CPNE4: variants seen among roughly 807,000 people sequenced by gnomAD.
The protein encoded by CPNE4 is copine 4.
Under a neutral mutation model 67.9 loss-of-function variants are expected in CPNE4, and 25 were observed. That is an observed-to-expected ratio of 0.37 (90% CI 0.27 to 0.51). CPNE4 has a LOEUF of 0.51. CPNE4 is among the 20% of genes least tolerant of loss of function. The pLI is 0.93. For missense variants in CPNE4, 464 were observed against 690.8 expected, an observed-to-expected ratio of 0.67 and a Z score of 3.68; for synonymous variants, 242 against 244.9, an observed-to-expected ratio of 0.99 and a Z score of 0.11.
At chr3:131,809,868 G>C (rs190463483) in intron 2 of CPNE4, among the ~76,000 whole-genome samples, 2 of 152,148 alleles carry the variant, frequency 1.3e-5, no homozygotes, top group Non-Finnish European at 2.9e-5. Context: ...AAGTAATCAG[G>C]ATATTAGACT....
intron 7 of CPNE4, among the ~76,000 whole-genome samples, chr3:131,601,290 CG>C (rs1460105597): frequency 1.3e-5 from 2 of 152,074 alleles, no homozygotes; most frequent in East Asian, 1.9e-4. Context: ...TACACACACA[CG>C]TTTTTTTATC....
chr3:131,840,201 A>C (rs545708987), intron 2 of CPNE4, among the ~76,000 whole-genome samples: 1 of 152,304 alleles, frequency 6.6e-6, no homozygotes, highest in South Asian at 2.1e-4. Flanking sequence ...TTTCTCCTCT[A>C]TAATTTTCTC....
At chr3:131,554,227 G>A (rs1252426885) in intron 12 of CPNE4, among the ~76,000 whole-genome samples, 1 of 152,112 alleles carries the variant, frequency 6.6e-6, no homozygotes, top group Middle Eastern at 3.4e-3. Flanking sequence ...TTACATTCCC[G>A]ATTTGAAGGG....
At chr3:131,607,343 A>T (rs1308204622) in intron 7 of CPNE4, among the ~76,000 whole-genome samples, 1 of 152,082 alleles carries the variant, frequency 6.6e-6, no homozygotes, top group African/African-American at 2.4e-5. Context: ...TTCTCATTTC[A>T]TCCCATCATT....
chr3:131,654,012 A>C (rs529255857), intron 7 of CPNE4, among the ~76,000 whole-genome samples: 1 of 152,196 alleles, frequency 6.6e-6, no homozygotes, highest in Non-Finnish European at 1.5e-5. Flanking sequence ...TGCACATTAT[A>C]ATCACCTTGG....
At chr3:131,647,836 A>G (rs1560043089) in intron 7 of CPNE4, among the ~76,000 whole-genome samples, 1 of 152,094 alleles carries the variant, frequency 6.6e-6, no homozygotes, top group Non-Finnish European at 1.5e-5. Context: ...TACCAAATTT[A>G]TTGCTTAAAT....
chr3:131,905,562 A>C, intron 1 of CPNE4, 118 bp from the exon 2 acceptor site: 2 of 880,682 alleles, frequency 2.3e-6, no homozygotes, highest in Admixed American at 5.7e-5. Context: ...TCAAACATTG[A>C]AGGTATTTAT....
chr3:131,721,402 T>TA (rs1371488715), intron 3 of CPNE4, among the ~76,000 whole-genome samples: 16 of 150,642 alleles, frequency 1.1e-4, no homozygotes, highest in Admixed American at 4.6e-4. Flanking sequence ...ATCTACCTTT[T>TA]TTTTTTTTTT....
At chr3:131,825,499 A>G (rs2085121586) in intron 2 of CPNE4, among the ~76,000 whole-genome samples, 1 of 151,460 alleles carries the variant, frequency 6.6e-6, no homozygotes, top group African/African-American at 2.4e-5. Flanking sequence ...CCGTCAAAAA[A>G]AAAAAAAAAA....
At chr3:131,986,787 C>A (rs551803852) in intron 1 of CPNE4, among the ~76,000 whole-genome samples, 1 of 147,676 alleles carries the variant, frequency 6.8e-6, no homozygotes, top group African/African-American at 2.5e-5. Context: ...GCCAAGATTG[C>A]GCCACTGCAC....
At chr3:131,914,545 C>T (rs775256559) in intron 1 of CPNE4, among the ~76,000 whole-genome samples, 2 of 152,190 alleles carry the variant, frequency 1.3e-5, no homozygotes, top group Non-Finnish European at 2.9e-5. Flanking sequence ...TCATTACACA[C>T]CCTGCTCAGG....
At chr3:131,903,949 C>T (rs764751016) in intron 2 of CPNE4, among the ~76,000 whole-genome samples, 10 of 152,076 alleles carry the variant, frequency 6.6e-5, no homozygotes, top group Non-Finnish European at 1.3e-4. Flanking sequence ...CCACTGGGTC[C>T]GTGATCAGTT....
chr3:131,709,918 C>G (rs1254284460), intron 3 of CPNE4, among the ~76,000 whole-genome samples: 1 of 152,136 alleles, frequency 6.6e-6, no homozygotes. Flanking sequence ...AAATTAGCAC[C>G]CAGTCCTTTC....
chr3:131,688,830 C>A (rs2080958816), intron 5 of CPNE4, among the ~76,000 whole-genome samples: 1 of 145,184 alleles, frequency 6.9e-6, no homozygotes, highest in Admixed American at 7.0e-5. Context: ...TTTGATAAAT[C>A]TTTTTCTAGA....
chr3:131,595,134 G>A (rs928050276), intron 7 of CPNE4, among the ~76,000 whole-genome samples: 3 of 152,318 alleles, frequency 2.0e-5, no homozygotes. Flanking sequence ...AAATGGTGGA[G>A]CAGCTATGGA....
chr3:131,740,985 T>C (rs902493358), intron 2 of CPNE4, among the ~76,000 whole-genome samples: 8 of 152,228 alleles, frequency 5.3e-5, no homozygotes, highest in African/African-American at 1.9e-4. Context: ...AATATCCACA[T>C]GGCTCTTTCT....
chr3:131,599,004 C>A (rs1208917111), intron 7 of CPNE4, among the ~76,000 whole-genome samples: 2 of 152,168 alleles, frequency 1.3e-5, no homozygotes, highest in African/African-American at 4.8e-5. Context: ...ACCACTCAGT[C>A]TAGACCAGTC....
At chr3:131,873,218 G>A (rs1452616938) in intron 2 of CPNE4, among the ~76,000 whole-genome samples, 1 of 152,070 alleles carries the variant, frequency 6.6e-6, no homozygotes, top group Non-Finnish European at 1.5e-5. Flanking sequence ...CAGTCCCAAG[G>A]GTGAACAGTG....
In CPNE4 at chr3:131,661,438, G is replaced by T. The variant is rs1343685933; in HGVS notation, c.681+8237C>A. Among the ~76,000 whole-genome samples, 6 of 152,272 alleles carry T rather than the reference G, an allele frequency of 3.9e-5. No individual in the cohort carries two copies. The South Asian group carries it at 1.2e-3, about 32-fold the overall frequency. On this transcript the variant is annotated intron_variant, in intron 7 of 15. Transcript: ENST00000429747. ...ATGTAGTTTTTCTCTCAATTCAGAA[G>T]CCTGCATGATTTAACACTATTTGAG...
Sources: allele counts gnomAD v4.1 joint callset (sites outside exome capture counted in the v4.1 genomes callset), GRCh38; gene constraint gnomAD v4.1.1; transcripts MANE v1.5; gene names NCBI Gene and HGNC (gene_info 2026-07-23, HGNC 2026-07-21).